Variants in SDR42E1 observed in about 807,000 individuals in gnomAD.
The protein encoded by SDR42E1 is short chain dehydrogenase/reductase family 42E, member 1.
In SDR42E1, 5 loss-of-function variants were observed where a neutral mutation model predicts 2.6. The ratio of observed to expected loss-of-function variants is 1.94; its 90% CI spans 1.01 to 4.08. The LOEUF (loss-of-function observed/expected upper bound fraction) is 4.08. Among genes scored for constraint, SDR42E1 ranks in the 30% most tolerant of loss-of-function variants. The probability of loss-of-function intolerance (pLI) is 0.00; values close to 1 mark genes in which losing one functional copy is unlikely to be tolerated. For synonymous variants in SDR42E1, 231 were observed against 188.3 expected (o/e 1.23, Z -1.86); for missense variants, 596 against 478.6 (o/e 1.25, Z -2.29).
At position 81,996,036 on chromosome 16, in the gene SDR42E1, G is replaced by C. The variant is rs942420644; in HGVS notation, c.*3075C>G. ...GGAGCCTGAGAAGCTTGGAGCCCAG[G>C]AACCTAAAAAAGGTCAGTGTAATTG... is the stretch of plus-strand genomic sequence containing the variant. On this transcript the variant is annotated 3_prime_UTR_variant, in exon 3 of 3. Coordinates refer to ENST00000328945, the MANE Select transcript of SDR42E1 (RefSeq NM_145168.3). 1.1e-4 allele frequency: 16 copies of C among 152,242 alleles called. No individual in the cohort carries two copies. Among genetic ancestry groups the C allele is most frequent in the Non-Finnish European group, 2.9e-5 (2 of 68,110 alleles). 9.4% of individuals were successfully genotyped at this position (152,242 alleles called of 1,614,324 possible).
At chr16:82,007,334 T>C (rs988735440) in intron 1 of SDR42E1, among the ~76,000 whole-genome samples, 2 of 152,206 alleles carry the variant, frequency 1.3e-5, no homozygotes, top group African/African-American at 2.4e-5. Context: ...TGAATTAATA[T>C]CTAGTAATTG....
At chr16:82,011,071 A>T (rs1913109814) in intron 1 of SDR42E1, among the ~76,000 whole-genome samples, 1 of 152,228 alleles carries the variant, frequency 6.6e-6, no homozygotes, top group Non-Finnish European at 1.5e-5. Flanking sequence ...AAGTGTGCAG[A>T]AAATCAAAGA....
chr16:82,011,297 G>C (rs1296079770), intron 1 of SDR42E1, 90 bp downstream of exon 1: 1 of 152,352 alleles, frequency 6.6e-6, no homozygotes, highest in African/African-American at 2.4e-5. Flanking sequence ...CCCACCCCCG[G>C]GACCGCCACC....
At chr16:82,007,198 T>A (rs11150432) in intron 1 of SDR42E1, among the ~76,000 whole-genome samples, 98,714 of 152,188 alleles carry the variant, frequency 0.65, 34,553 homozygotes, top group South Asian at 0.76. Flanking sequence ...ATAAATGGGG[T>A]GAACATTTTG....
rs1413210978 is a variant in SDR42E1 at position 81,993,907 on chromosome 16, A to C, written c.*5204T>G. On this transcript the variant is annotated 3_prime_UTR_variant, in exon 3 of 3. Transcript: ENST00000328945. ...AAACATGATTCTAGAAAAGGAAATC[A>C]ATCTCATTTTTTAAGAAAAACTCCA... 1 of 152,208 alleles carries C rather than the reference A, an allele frequency of 6.6e-6. No homozygotes were observed. The highest frequency in any genetic ancestry group is 1.5e-5 in the Non-Finnish European group (1 of 68,036). The allele number at this position is 152,208 out of a possible 1,614,324, so 9.4% of individuals were successfully genotyped here.
At chr16:82,006,140 C>G (rs1210781363) in intron 1 of SDR42E1, among the ~76,000 whole-genome samples, 1 of 151,980 alleles carries the variant, frequency 6.6e-6, no homozygotes, top group Non-Finnish European at 1.5e-5. Flanking sequence ...TAGCATTTCA[C>G]CAATAGAAAG....
Position 81,996,204 on chromosome 16 carries a change from T to A in SDR42E1, c.*2907A>T, listed in dbSNP as rs767178668. ...AAGTGACAAAAGATTTGCACCTTTATAGAGTCTCTTGGCTAGGCATGTGGA... is the reference window on the plus strand; with the variant it reads ...AAGTGACAAAAGATTTGCACCTTTAAAGAGTCTCTTGGCTAGGCATGTGGA... On this transcript the variant is annotated 3_prime_UTR_variant, in exon 3 of 3. Transcript: ENST00000328945. 2 of 152,232 alleles carry A rather than the reference T, an allele frequency of 1.3e-5. No individual in the cohort carries two copies. The highest frequency in any genetic ancestry group is 4.8e-5 in the African/African-American group (2 of 41,452). 9.4% of individuals were successfully genotyped at this position (152,232 alleles called of 1,614,324 possible).
rs1013179825 is a variant in SDR42E1 at position 81,997,607 on chromosome 16, T to G, written c.*1504A>C. 7.2e-5 allele frequency: 11 copies of G among 152,216 alleles called. No homozygotes were observed. The highest frequency in any genetic ancestry group is 2.4e-4 in the African/African-American group (10 of 41,436). The allele number at this position is 152,216 out of a possible 1,614,324, so 9.4% of individuals were successfully genotyped here. ...AAAGCTTCTTTATGACAGAAAAGAC[T>G]CCAAACACGTTTTCCTAAAAACAAT... On this transcript the variant is annotated 3_prime_UTR_variant, in exon 3 of 3. Coordinates refer to ENST00000328945, the MANE Select transcript of SDR42E1 (RefSeq NM_145168.3).
intron 2 of SDR42E1, 128 bp from the exon 3 acceptor site, chr16:82,000,352 C>T: frequency 8.8e-7 from 1 of 1,132,766 alleles, no homozygotes; most frequent in African/African-American, 1.5e-5. Context: ...GAGCCCCTCA[C>T]TATGCATGTT....
At chr16:82,000,976 C>T in intron 1 of SDR42E1, 92 bp from the exon 2 acceptor site, 1 of 767,344 alleles carries the variant, frequency 1.3e-6, no homozygotes, top group South Asian at 1.7e-5. Flanking sequence ...AGTCAATACG[C>T]TGTAGTAGAA....
At chr16:82,003,799 T>A (rs952736022) in intron 1 of SDR42E1, among the ~76,000 whole-genome samples, 9 of 152,258 alleles carry the variant, frequency 5.9e-5, no homozygotes, top group Non-Finnish European at 1.2e-4. Flanking sequence ...TTAAGTTCTA[T>A]GAGAACTGAG....
Position 81,999,933 on chromosome 16 carries a change from G to A in SDR42E1, c.360C>T (p.Tyr120=), listed in dbSNP as rs1182919136. The A allele has an allele frequency of 1.9e-6, 3 of 1,614,208 alleles. No homozygotes were observed. The highest frequency in any genetic ancestry group is 2.5e-6 in the Non-Finnish European group (3 of 1,180,060). ...CAAAGATGACATTGAAAGTGCTGGT[G>A]TAAACTAACCTGGGCACCCTTCTCC... ...CQRRRVPRLV[Y]TSTFNVIFGG... is the part of the protein sequence containing the mutation. The change falls in exon 3 of 3, where the codon TAC becomes TAT. Residue 120 remains tyrosine, a synonymous_variant. Coordinates refer to ENST00000328945, the MANE Select transcript of SDR42E1 (RefSeq NM_145168.3).
At chr16:82,007,342 T>C (rs777366017) in intron 1 of SDR42E1, among the ~76,000 whole-genome samples, 3 of 152,300 alleles carry the variant, frequency 2.0e-5, no homozygotes, top group East Asian at 1.9e-4. Flanking sequence ...TATCTAGTAA[T>C]TGAAGTAATA....
At position 81,998,652 on chromosome 16, in the gene SDR42E1, C is replaced by T. The variant is rs534383052; in HGVS notation, c.*459G>A. On this transcript the variant is annotated 3_prime_UTR_variant, in exon 3 of 3. Transcript: ENST00000328945. Reference sequence around the variant, plus strand: ...TCTCCAGCAATAGCCACCATCCCCTCGAGGATTGCTCTGTTAGGGATCTGG... The same window carrying T: ...TCTCCAGCAATAGCCACCATCCCCTTGAGGATTGCTCTGTTAGGGATCTGG... 3.0e-4 allele frequency: 49 copies of T among 165,980 alleles called. 1 individual carries two copies. The South Asian group carries it at 7.5e-3, about 25-fold the overall frequency. 10.3% of individuals were successfully genotyped at this position (165,980 alleles called of 1,614,324 possible).
Position 82,000,827 on chromosome 16 carries a change from ACACTTTC to A in SDR42E1, c.25_31del (p.Glu9SerfsTer18). 2 of 1,613,944 alleles carry A rather than the reference ACACTTTC, an allele frequency of 1.2e-6. No individual in the cohort carries two copies. Among genetic ancestry groups the A allele is most frequent in the Non-Finnish European group, 1.7e-6 (2 of 1,179,950 alleles). On this transcript the variant is annotated frameshift_variant, in exon 2 of 3. Transcript: ENST00000328945. LOFTEE classifies it low-confidence loss of function (END_TRUNC). ...ATAGCCACTTCCTCCTGTAATGAGG[ACACTTTC>A]CTTTTGAGATCTTTTGGGGTCCATA...
chr16:81,990,088 G>C lies in SDR42E1; in HGVS notation c.*9023C>G, dbSNP rs531416779. On this transcript the variant is annotated 3_prime_UTR_variant, in exon 3 of 3. Coordinates refer to ENST00000328945, the MANE Select transcript of SDR42E1 (RefSeq NM_145168.3). ...CCACTTTGGGAGACTGAGGAAGGAG[G>C]ATCACCTAAGGCCAGGAGTTTGAGA... The C allele has an allele frequency of 6.6e-6, 1 of 152,446 alleles. No individual in the cohort carries two copies. Among genetic ancestry groups the C allele is most frequent in the South Asian group, 2.1e-4 (1 of 4,822 alleles). 9.4% of individuals were successfully genotyped at this position (152,446 alleles called of 1,614,324 possible). A position where few individuals can be genotyped will look rare whatever the true frequency, so the allele number is the denominator to read the frequency against.
chr16:81,992,693 T>C lies in SDR42E1; in HGVS notation c.*6418A>G, dbSNP rs1039720123. ...AAAAATAAACATTGCGAATTACTGC[T>C]GATAAATCCCCTGTTGGTTGAAAGA... is the stretch of plus-strand genomic sequence containing the variant. On this transcript the variant is annotated 3_prime_UTR_variant, in exon 3 of 3. Transcript: ENST00000328945. The C allele has an allele frequency of 6.6e-6, 1 of 152,190 alleles. No homozygotes were observed. The highest frequency in any genetic ancestry group is 2.4e-5 in the African/African-American group (1 of 41,444). 9.4% of individuals were successfully genotyped at this position (152,190 alleles called of 1,614,324 possible). A position where few individuals can be genotyped will look rare whatever the true frequency, so the allele number is the denominator to read the frequency against.
At chr16:82,006,147 A>C (rs1200972873) in intron 1 of SDR42E1, among the ~76,000 whole-genome samples, 1 of 152,172 alleles carries the variant, frequency 6.6e-6, no homozygotes. Context: ...TCACCAATAG[A>C]AAGTATGGAA....
At chr16:82,008,612 C>T (rs977285759) in intron 1 of SDR42E1, among the ~76,000 whole-genome samples, 6 of 152,142 alleles carry the variant, frequency 3.9e-5, no homozygotes, top group Non-Finnish European at 7.3e-5. Context: ...TAAGTCAGAG[C>T]TTCAGAGAGA....
Sources: gnomAD v4.1 joint callset for allele counts (sites outside exome capture counted in the v4.1 genomes callset) on GRCh38, gnomAD v4.1.1 for gene constraint, MANE v1.5 for transcripts, NCBI Gene and HGNC (gene_info 2026-07-23, HGNC 2026-07-21) for gene names.